UBE3D: variants seen among roughly 807,000 people sequenced by gnomAD.
UBE3D encodes ubiquitin protein ligase E3D.
Under a neutral mutation model 49.6 loss-of-function variants are expected in UBE3D, and 48 were observed. The ratio of observed to expected loss-of-function variants is 0.97; its 90% CI spans 0.77 to 1.23. UBE3D has a LOEUF of 1.23. Among genes scored for constraint, UBE3D ranks in the 50% most tolerant of loss-of-function variants. UBE3D has a pLI of 0.00. For missense variants in UBE3D, 452 were observed against 468.4 expected (o/e 0.96, Z 0.32); for synonymous variants, 189 against 174.2 (o/e 1.08, Z -0.67).
At chr6:83,026,638 G>A (rs1427602158) in intron 5 of UBE3D, among the ~76,000 whole-genome samples, 2 of 152,018 alleles carry the variant, frequency 1.3e-5, no homozygotes, top group African/African-American at 2.4e-5. Context: ...TTTTGAAATC[G>A]TTATTACACG....
At chr6:82,936,320 C>T (rs1254915686) in intron 9 of UBE3D, among the ~76,000 whole-genome samples, 1 of 152,142 alleles carries the variant, frequency 6.6e-6, no homozygotes, top group East Asian at 1.9e-4. Context: ...CTGCTAAAAA[C>T]ATTAGCATAT....
intron 8 of UBE3D, among the ~76,000 whole-genome samples, chr6:82,966,895 T>C (rs575142276): frequency 6.6e-6 from 1 of 152,326 alleles, no homozygotes; most frequent in African/African-American, 2.4e-5. Context: ...AACTCAAACA[T>C]ATTATGGTTG....
intron 8 of UBE3D, 66 bp downstream of exon 8, chr6:83,018,907 T>C (rs944400248): frequency 1.3e-6 from 2 of 1,580,792 alleles, no homozygotes; most frequent in Admixed American, 1.9e-5. Flanking sequence ...CATTAATTTC[T>C]TAACACCAAC....
chr6:83,001,008 C>T (rs1441355203), intron 8 of UBE3D, among the ~76,000 whole-genome samples: 1 of 152,180 alleles, frequency 6.6e-6, no homozygotes, highest in African/African-American at 2.4e-5. Context: ...CCACACCTGG[C>T]TAATCTTGCA....
intron 9 of UBE3D, among the ~76,000 whole-genome samples, chr6:82,912,178 C>CT (rs987202813): frequency 2.3e-4 from 34 of 149,638 alleles, no homozygotes; most frequent in East Asian, 7.8e-4. Flanking sequence ...TTCTTCCATG[C>CT]TTTTTTTTTT....
At chr6:83,004,645 A>C (rs1236647221) in intron 8 of UBE3D, among the ~76,000 whole-genome samples, 1 of 152,192 alleles carries the variant, frequency 6.6e-6, no homozygotes, top group Admixed American at 6.5e-5. Context: ...GACACTTGTC[A>C]ATTCATTCAT....
intron 3 of UBE3D, among the ~76,000 whole-genome samples, chr6:83,047,865 G>A (rs958513504): frequency 3.9e-5 from 6 of 152,036 alleles, no homozygotes; most frequent in African/African-American, 1.2e-4. Context: ...GGCGGATTAC[G>A]AGGTCAGGAG....
intron 9 of UBE3D, among the ~76,000 whole-genome samples, chr6:82,896,776 C>G (rs998199764): frequency 6.6e-6 from 1 of 151,018 alleles, no homozygotes; most frequent in Non-Finnish European, 1.5e-5. Context: ...GAGTCTTGCT[C>G]TGTTGCCCAG....
At chr6:82,931,164 T>TGTTAGGTGTTAG (rs1774120412) in intron 9 of UBE3D, among the ~76,000 whole-genome samples, 2 of 152,240 alleles carry the variant, frequency 1.3e-5, no homozygotes, top group Non-Finnish European at 2.9e-5. Context: ...GTGTTAGGCC[T>TGTTAGGTGTTAG]GTGGGTACAC....
At chr6:82,881,163 G>A in the UBE3D span, among the ~76,000 whole-genome samples, 1 of 152,162 alleles carries the variant, frequency 6.6e-6, no homozygotes, top group African/African-American at 2.4e-5. Context: ...TGAGAGGTCT[G>A]GAGAGAATCC....
chr6:83,017,998 G>C (rs943610802), intron 8 of UBE3D: 1 of 152,068 alleles, frequency 6.6e-6, no homozygotes, highest in African/African-American at 2.4e-5. Context: ...GAACAGAAAA[G>C]GAAGTGGAAG....
chr6:83,012,623 CA>C (rs1780421898), intron 8 of UBE3D, among the ~76,000 whole-genome samples: 1 of 152,190 alleles, frequency 6.6e-6, no homozygotes, highest in African/African-American at 2.4e-5. Flanking sequence ...ACATGGGATA[CA>C]AATATCTTCA....
chr6:82,939,469 A>G (rs538239850), intron 9 of UBE3D, among the ~76,000 whole-genome samples: 12 of 152,340 alleles, frequency 7.9e-5, no homozygotes, highest in Admixed American at 7.2e-4. Flanking sequence ...TAAGATTATA[A>G]TGGAGCTGCC....
chr6:82,937,598 T>G (rs148673566), intron 9 of UBE3D, among the ~76,000 whole-genome samples: 2 of 152,138 alleles, frequency 1.3e-5, no homozygotes, highest in African/African-American at 4.8e-5. Context: ...AAATCTTTCT[T>G]GGAGTAACTA....
chr6:82,990,635 A>C (rs1259178062), intron 8 of UBE3D, among the ~76,000 whole-genome samples: 1 of 152,178 alleles, frequency 6.6e-6, no homozygotes, highest in Non-Finnish European at 1.5e-5. Context: ...GAATCTCCAC[A>C]GATAGCTACT....
chr6:82,885,199 C>G, the UBE3D span, among the ~76,000 whole-genome samples: 1 of 151,174 alleles, frequency 6.6e-6, no homozygotes, highest in Non-Finnish European at 1.5e-5. Flanking sequence ...TTGGTCAAGA[C>G]AGTTTTTGAC....
chr6:82,924,734 T>C (rs1042256514), intron 9 of UBE3D: 6 of 152,194 alleles, frequency 3.9e-5, no homozygotes, highest in African/African-American at 1.4e-4. Flanking sequence ...AATTTTTTCA[T>C]CCATTTATTC....
At chr6:83,042,652 G>A (rs1441616217) in intron 4 of UBE3D, among the ~76,000 whole-genome samples, 1 of 152,156 alleles carries the variant, frequency 6.6e-6, no homozygotes, top group Non-Finnish European at 1.5e-5. Flanking sequence ...TCAGAGAGGT[G>A]GATTAGCCTC....
In UBE3D at chr6:83,019,065, G is replaced by C; in HGVS notation, c.918C>G (p.Pro306=). The change falls in exon 8 of 10, where the codon CCC becomes CCG. Residue 306 remains proline (P), a synonymous_variant. Transcript: ENST00000369747. ...LRNSKYIKKF[P]LLENTFKADS... is the part of the protein sequence containing the mutation. ...CGGCTTTGAATGTGTTTTCCAACAA[G>C]GGGAATTTTTTGATATATTTGGAAT... is the stretch of plus-strand genomic sequence containing the variant. The C allele has an allele frequency of 6.2e-7, 1 of 1,613,884 alleles. No homozygotes were observed.
Sources: allele counts gnomAD v4.1 joint callset (sites outside exome capture counted in the v4.1 genomes callset), GRCh38; gene constraint gnomAD v4.1.1; transcripts MANE v1.5; gene names NCBI Gene and HGNC (gene_info 2026-07-23, HGNC 2026-07-21).